Variants in SP4 observed in about 807,000 individuals in gnomAD.
SP4 encodes the protein transcription factor Sp4.
A neutral mutation model predicts 72.8 loss-of-function variants in SP4; 19 were observed. The observed-to-expected ratio is 0.26, with a 90% confidence interval of 0.18 to 0.38. SP4 has a LOEUF of 0.38. SP4 is among the 10% of genes least tolerant of loss of function. SP4 has a pLI of 1.00. For missense variants in SP4, 1,008 were observed against 926.3 expected (o/e 1.09, Z -1.14); for synonymous variants, 395 against 333.1 (o/e 1.19, Z -2.02).
At chr7:21,490,935 C>A (rs1354470871) in intron 5 of SP4, among the ~76,000 whole-genome samples, 1 of 152,154 alleles carries the variant, frequency 6.6e-6, no homozygotes, top group East Asian at 1.9e-4. Context: ...CCTGCTAAAA[C>A]AAAAACATTT....
At chr7:21,430,897 T>G in intron 3 of SP4, 54 bp downstream of exon 3, 11 of 1,307,898 alleles carry the variant, frequency 8.4e-6, no homozygotes, top group Non-Finnish European at 1.2e-5. Flanking sequence ...ATAACAATTA[T>G]TGCTTTTCTC....
intron 4 of SP4, among the ~76,000 whole-genome samples, chr7:21,479,905 G>A (rs1040876914): frequency 1.3e-5 from 2 of 152,122 alleles, no homozygotes; most frequent in Non-Finnish European, 1.5e-5. Context: ...GATTGTTCAA[G>A]TATGTAGAAA....
chr7:21,428,824 C>T (rs757383724), intron 2 of SP4, 32 bp downstream of exon 2: 6 of 1,505,388 alleles, frequency 4.0e-6, no homozygotes, highest in Non-Finnish European at 5.4e-6. Flanking sequence ...AAATTCATCA[C>T]GACACATTAG....
At chr7:21,455,402 A>G (rs1336811466) in intron 3 of SP4, among the ~76,000 whole-genome samples, 2 of 152,196 alleles carry the variant, frequency 1.3e-5, no homozygotes, top group Non-Finnish European at 2.9e-5. Context: ...TTGAGGATGC[A>G]TCCATGGGGC....
chr7:21,432,963 C>G (rs1782915416), intron 3 of SP4, among the ~76,000 whole-genome samples: 1 of 152,132 alleles, frequency 6.6e-6, no homozygotes, highest in South Asian at 2.1e-4. Flanking sequence ...CACTGCACTC[C>G]CACCTGAGTG....
chr7:21,441,534 C>T (rs1019894675), intron 3 of SP4, among the ~76,000 whole-genome samples: 3 of 152,068 alleles, frequency 2.0e-5, no homozygotes, highest in Non-Finnish European at 4.4e-5. Flanking sequence ...ATTTGAAAAA[C>T]TTGAATCTAG....
chr7:21,463,930 G>A (rs1215226039), intron 3 of SP4, among the ~76,000 whole-genome samples: 1 of 152,102 alleles, frequency 6.6e-6, no homozygotes, highest in African/African-American at 2.4e-5. Context: ...TCTTGATCAA[G>A]TGTTTCTCTA....
chr7:21,439,647 T>C (rs1254568668), intron 3 of SP4, among the ~76,000 whole-genome samples: 1 of 152,058 alleles, frequency 6.6e-6, no homozygotes, highest in African/African-American at 2.4e-5. Flanking sequence ...CTCAGTACTT[T>C]GGAAGGCTGA....
At chr7:21,449,563 TTAAG>T (rs1184184722) in intron 3 of SP4, among the ~76,000 whole-genome samples, 1 of 152,242 alleles carries the variant, frequency 6.6e-6, no homozygotes, top group East Asian at 1.9e-4. Context: ...GTACATATGT[TTAAG>T]TATACGTGTG....
chr7:21,472,104 TAGTA>T (rs1457640240), intron 3 of SP4, among the ~76,000 whole-genome samples: 6 of 152,160 alleles, frequency 3.9e-5, no homozygotes, highest in Admixed American at 6.6e-5. Flanking sequence ...TGGCAGTTGA[TAGTA>T]AGAGTATGAC....
intron 3 of SP4, among the ~76,000 whole-genome samples, chr7:21,469,865 A>G (rs1486390484): frequency 6.6e-6 from 1 of 151,730 alleles, no homozygotes; most frequent in Non-Finnish European, 1.5e-5. Context: ...AATTTTTTAG[A>G]GTTAATATTT....
chr7:21,459,310 A>T (rs184375089), intron 3 of SP4, among the ~76,000 whole-genome samples: 1 of 152,174 alleles, frequency 6.6e-6, no homozygotes, highest in Non-Finnish European at 1.5e-5. Flanking sequence ...TAGTAGAGAC[A>T]GGGTTTCACT....
chr7:21,432,571 C>T (rs539435282), intron 3 of SP4, among the ~76,000 whole-genome samples: 1 of 152,300 alleles, frequency 6.6e-6, no homozygotes, highest in Admixed American at 6.5e-5. Context: ...ATGTTTTGGC[C>T]AACCAAACTT....
At chr7:21,438,553 A>T (rs964772031) in intron 3 of SP4, among the ~76,000 whole-genome samples, 1 of 152,218 alleles carries the variant, frequency 6.6e-6, no homozygotes, top group Admixed American at 6.5e-5. Context: ...GTGAATACCA[A>T]AACGTTAGTA....
intron 4 of SP4, among the ~76,000 whole-genome samples, chr7:21,481,023 G>A (rs927345823): frequency 6.6e-6 from 1 of 152,190 alleles, no homozygotes; most frequent in Non-Finnish European, 1.5e-5. Context: ...TGCTGGGGCA[G>A]CAATAGCCTC....
Position 21,428,103 on chromosome 7 carries a change from C to G in SP4, c.-149C>G, listed in dbSNP as rs1247084502. The G allele has an allele frequency of 2.9e-6, 2 of 681,852 alleles. No individual in the cohort carries two copies. The highest frequency in any genetic ancestry group is 3.6e-5 in the African/African-American group (2 of 56,310). 42.2% of individuals were successfully genotyped at this position (681,852 alleles called of 1,614,324 possible). On this transcript the variant is annotated 5_prime_UTR_variant, in exon 1 of 6. Coordinates refer to ENST00000222584, the MANE Select transcript of SP4 (RefSeq NM_003112.5). Reference sequence around the variant, plus strand: ...ACGCCACAGCCCAGCGGCGGCCATTCGCGGAAAAAGAGGCAGAGCCTGTGC... The same window carrying G: ...ACGCCACAGCCCAGCGGCGGCCATTGGCGGAAAAAGAGGCAGAGCCTGTGC...
Position 21,511,353 on chromosome 7 carries a change from A to G in SP4, c.*84A>G. On this transcript the variant is annotated 3_prime_UTR_variant, in exon 6 of 6. Coordinates refer to ENST00000222584, the MANE Select transcript of SP4 (RefSeq NM_003112.5). ...TGGAAATGGGCTGGTCAAGTGGATTACAGAGTAGGAAATTATGTTTTCATT... is the reference window on the plus strand; with the variant it reads ...TGGAAATGGGCTGGTCAAGTGGATTGCAGAGTAGGAAATTATGTTTTCATT... The G allele has an allele frequency of 1.5e-6, 2 of 1,327,590 alleles. No homozygotes were observed. Among genetic ancestry groups the G allele is most frequent in the Non-Finnish European group, 2.1e-6 (2 of 961,656 alleles). The allele number at this position is 1,327,590 out of a possible 1,614,324, so 82.2% of individuals were successfully genotyped here.
intron 5 of SP4, among the ~76,000 whole-genome samples, chr7:21,498,969 A>G (rs1284308014): frequency 6.6e-6 from 1 of 150,682 alleles, no homozygotes; most frequent in Admixed American, 6.6e-5. Flanking sequence ...AGTCCCAGCT[A>G]TTCGGGAGGC....
intron 5 of SP4, among the ~76,000 whole-genome samples, chr7:21,492,411 T>A (rs1583440455): frequency 6.6e-6 from 1 of 152,216 alleles, no homozygotes; most frequent in Admixed American, 6.5e-5. Context: ...TGAAACTTTT[T>A]CAGCACCAGC....
Sources: gnomAD v4.1 joint callset for allele counts (sites outside exome capture counted in the v4.1 genomes callset) on GRCh38, gnomAD v4.1.1 for gene constraint, MANE v1.5 for transcripts, NCBI Gene and HGNC (gene_info 2026-07-23, HGNC 2026-07-21) for gene names.